Variants in RGL1 observed in about 807,000 individuals in gnomAD.
RGL1 encodes the protein ral guanine nucleotide dissociation stimulator like 1, also known as ral guanine nucleotide dissociation stimulator-like 1.
Under a neutral mutation model 95.2 loss-of-function variants are expected in RGL1, and 24 were observed. The observed-to-expected ratio is 0.25, with a 90% confidence interval of 0.18 to 0.35. The LOEUF is 0.35. RGL1 is among the 10% of genes least tolerant of loss of function. The probability of loss-of-function intolerance (pLI) is 1.00; values close to 1 mark genes in which losing one functional copy is unlikely to be tolerated. For synonymous variants in RGL1, 329 were observed against 344.9 expected (o/e 0.95, Z 0.51); for missense variants, 715 against 936.3 (o/e 0.76, Z 3.08).
intron 10 of RGL1, among the ~76,000 whole-genome samples, chr1:183,898,414 T>A (rs1667827890): frequency 1.3e-5 from 2 of 152,194 alleles, no homozygotes; most frequent in African/African-American, 4.8e-5. Flanking sequence ...CTTTATAGTT[T>A]TTCAATATTT....
intron 1 of RGL1, among the ~76,000 whole-genome samples, chr1:183,707,452 GTGGGCACTC>G (rs1654989536): frequency 6.6e-6 from 1 of 152,214 alleles, no homozygotes; most frequent in African/African-American, 2.4e-5. Flanking sequence ...ACTTCCCAAA[GTGGGCACTC>G]TAGCACAGGC....
chr1:183,916,326 G>A, intron 15 of RGL1, 121 bp from the exon 16 acceptor site: 1 of 1,162,114 alleles, frequency 8.6e-7, no homozygotes, highest in Non-Finnish European at 1.2e-6. Flanking sequence ...TGTGCTGTGG[G>A]CTGTTGTGGA....
intron 2 of RGL1, among the ~76,000 whole-genome samples, chr1:183,837,899 G>C (rs1325638948): frequency 6.6e-6 from 1 of 152,178 alleles, no homozygotes; most frequent in African/African-American, 2.4e-5. Context: ...AATAGGCTTG[G>C]CGCTCCTATG....
At chr1:183,887,478 C>A (rs962975406) in intron 7 of RGL1, among the ~76,000 whole-genome samples, 7 of 152,044 alleles carry the variant, frequency 4.6e-5, no homozygotes, top group Non-Finnish European at 8.8e-5. Flanking sequence ...ACCTGAGATA[C>A]TCTACACAAA....
At chr1:183,664,069 G>A (rs938911724) in intron 1 of RGL1, among the ~76,000 whole-genome samples, 1 of 105,030 alleles carries the variant, frequency 9.5e-6, no homozygotes, top group Admixed American at 1.3e-4. Flanking sequence ...GTTGTGGGGT[G>A]GGGGGAGGGG....
chr1:183,774,726 C>T (rs776603044), intron 2 of RGL1, among the ~76,000 whole-genome samples: 2 of 151,932 alleles, frequency 1.3e-5, no homozygotes, highest in Non-Finnish European at 2.9e-5. Flanking sequence ...CAGGCGCATG[C>T]CACCATGCCC....
intron 2 of RGL1, among the ~76,000 whole-genome samples, chr1:183,747,113 C>T (rs1009669167): frequency 6.6e-6 from 1 of 152,182 alleles, no homozygotes; most frequent in Non-Finnish European, 1.5e-5. Context: ...CTGCAATAAA[C>T]ATACATGTGC....
chr1:183,706,930 T>C (rs1416844396), intron 1 of RGL1, among the ~76,000 whole-genome samples: 1 of 152,194 alleles, frequency 6.6e-6, no homozygotes, highest in Non-Finnish European at 1.5e-5. Context: ...AGTGGTTCCT[T>C]CTGGGCTGTC....
intron 1 of RGL1, among the ~76,000 whole-genome samples, chr1:183,725,441 T>C (rs1005067125): frequency 1.1e-4 from 16 of 152,190 alleles, no homozygotes; most frequent in African/African-American, 3.9e-4. Flanking sequence ...GAGCCAAGGC[T>C]GAACTTTTAA....
chr1:183,776,141 A>ATTTTTTTTTTTTTTTTTTTTTTTTTT (rs66738956), intron 2 of RGL1, among the ~76,000 whole-genome samples: 1 of 88,800 alleles, frequency 1.1e-5, no homozygotes, highest in Non-Finnish European at 2.1e-5. Context: ...GGGAATACAG[A>ATTTTTTTTTTTTTTTTTTTTTTTTTT]TTTTTTTTTT....
chr1:183,752,784 T>G (rs969944177), intron 2 of RGL1, among the ~76,000 whole-genome samples: 2 of 150,864 alleles, frequency 1.3e-5, no homozygotes, highest in Admixed American at 6.6e-5. Context: ...GACTATAGAA[T>G]TATAGTTCTT....
intron 2 of RGL1, among the ~76,000 whole-genome samples, chr1:183,817,810 G>T (rs376948828): frequency 6.6e-6 from 1 of 152,182 alleles, no homozygotes; most frequent in Admixed American, 6.5e-5. Flanking sequence ...CAAGGCATGC[G>T]TGTAACACTC....
intron 1 of RGL1, among the ~76,000 whole-genome samples, chr1:183,653,970 C>T (rs75462421): frequency 0.082 from 12,441 of 152,226 alleles, 997 homozygotes; most frequent in African/African-American, 0.21. Flanking sequence ...CCCTCATTCC[C>T]CTTTCCCAGG....
intron 2 of RGL1, among the ~76,000 whole-genome samples, chr1:183,749,091 AT>A (rs893652201): frequency 1.6e-4 from 25 of 152,176 alleles, no homozygotes; most frequent in African/African-American, 6.0e-4. Context: ...AAGAATGTAT[AT>A]TTTGTTTATT....
At chr1:183,678,211 C>T (rs1412094656) in intron 1 of RGL1, among the ~76,000 whole-genome samples, 1 of 152,036 alleles carries the variant, frequency 6.6e-6, no homozygotes, top group Non-Finnish European at 1.5e-5. Flanking sequence ...CTGTGTGTAA[C>T]CTCCTAGGCA....
At position 183,924,472 on chromosome 1, in the gene RGL1, T is replaced by TGG. The variant is rs35871696; in HGVS notation, c.2120-1628_2120-1627dup. 9.9e-5 allele frequency among the ~76,000 whole-genome samples: 15 copies of TGG among 151,756 alleles called. No individual in the cohort carries two copies. In the East Asian group the frequency reaches 2.9e-3, roughly 29 times the overall value. Reference sequence around the variant, plus strand: ...GGGAATATCACACACCGGGGCCTGTTGGGGGGTGGAAGACTAGGGGAAGGA... The same window carrying TGG: ...GGGAATATCACACACCGGGGCCTGTTGGGGGGGGTGGAAGACTAGGGGAAGGA... On this transcript the variant is annotated intron_variant, in intron 17 of 17. Transcript: ENST00000360851.
intron 7 of RGL1, among the ~76,000 whole-genome samples, chr1:183,885,466 C>T (rs1667058803): frequency 6.6e-6 from 1 of 152,146 alleles, no homozygotes; most frequent in Non-Finnish European, 1.5e-5. Context: ...AATCTGAGGT[C>T]ATGTCTCATA....
rs1299972208 is a variant in RGL1, at chr1:183,847,639, C to T, written c.212C>T (p.Ala71Val). The change falls in exon 3 of 18, where the codon GCT (alanine) becomes GTT (valine). Residue 71 changes from alanine to valine, a missense_variant. Ala to Val is a moderately conservative substitution (Grantham distance 64, BLOSUM62 0). Transcript: ENST00000360851. ...YETCKIRTIK[A>V]GTLEKLVENL... ...ACCTGTAAGATCAGGACCATAAAAGCTGGCACCTTGGAGAAGCTTGTGGAG... is the reference window on the plus strand; with the variant it reads ...ACCTGTAAGATCAGGACCATAAAAGTTGGCACCTTGGAGAAGCTTGTGGAG... 1 of 1,614,102 alleles carries T rather than the reference C, an allele frequency of 6.2e-7. No homozygotes were observed. The highest frequency in any genetic ancestry group is 1.7e-5 in the Admixed American group (1 of 60,018).
At position 183,903,559 on chromosome 1, in the gene RGL1, T is replaced by TG. The variant is rs552626075; in HGVS notation, c.1350+967dup. Among the ~76,000 whole-genome samples the TG allele has an allele frequency of 8.6e-3, 1,305 of 151,742 alleles. 16 individuals are homozygous for TG. The highest frequency in any genetic ancestry group is 0.023 in the African/African-American group (939 of 41,320). On this transcript the variant is annotated intron_variant, in intron 12 of 17. Transcript: ENST00000360851. ...ACAAATATTGACTGTCTACCTAACA[T>TG]GGGGGGGGTTTGGGAATTACAGCAG...
Sources: allele counts gnomAD v4.1 joint callset (sites outside exome capture counted in the v4.1 genomes callset), GRCh38; gene constraint gnomAD v4.1.1; transcripts MANE v1.5; gene names NCBI Gene and HGNC (gene_info 2026-07-23, HGNC 2026-07-21).